The following LYPLAL1 variants were observed in gnomAD, a reference collection of about 807,000 sequenced individuals.
The protein encoded by LYPLAL1 is lysophospholipase-like protein 1.
A neutral mutation model predicts 19.7 loss-of-function variants in LYPLAL1; 23 were observed. The observed-to-expected ratio is 1.17, with a 90% CI of 0.84 to 1.65. LYPLAL1 has a LOEUF of 1.65. LYPLAL1 is among the 40% of genes most tolerant of loss of function. LYPLAL1 has a pLI of 0.00. For missense variants in LYPLAL1, 355 were observed against 279.4 expected (o/e 1.27, Z -1.93); for synonymous variants, 119 against 96.3 (o/e 1.24, Z -1.38).
chr1:219,188,718 C>G (rs943200754), intron 2 of LYPLAL1, among the ~76,000 whole-genome samples: 11 of 148,732 alleles, frequency 7.4e-5, no homozygotes, highest in African/African-American at 2.7e-4. Flanking sequence ...TTTATTCTAG[C>G]TTAATATTTT....
the LYPLAL1 span, among the ~76,000 whole-genome samples, chr1:219,398,416 C>G: frequency 3.9e-5 from 6 of 152,158 alleles, no homozygotes; most frequent in Non-Finnish European, 7.4e-5. Flanking sequence ...TGGTTACATT[C>G]TTTTCTATAC....
chr1:219,188,869 T>C (rs1656931224), intron 2 of LYPLAL1, among the ~76,000 whole-genome samples: 1 of 151,690 alleles, frequency 6.6e-6, no homozygotes, highest in African/African-American at 2.4e-5. Context: ...AGAAGGTGAA[T>C]GAGTATAACA....
At chr1:219,353,869 C>T in the LYPLAL1 span, among the ~76,000 whole-genome samples, 1 of 151,660 alleles carries the variant, frequency 6.6e-6, no homozygotes, top group South Asian at 2.1e-4. Flanking sequence ...TTGAAAATCA[C>T]TATTATAAAT....
the LYPLAL1 span, among the ~76,000 whole-genome samples, chr1:219,292,919 A>G: frequency 6.6e-5 from 10 of 152,062 alleles, no homozygotes; most frequent in Non-Finnish European, 1.3e-4. Flanking sequence ...AACAGCAATT[A>G]CCTCTGCTCC....
the LYPLAL1 span, among the ~76,000 whole-genome samples, chr1:219,359,282 G>A: frequency 6.6e-6 from 1 of 152,124 alleles, no homozygotes; most frequent in Admixed American, 6.5e-5. Context: ...ATACCTCCAG[G>A]ATCACTTCAG....
At position 219,179,252 on chromosome 1, in the gene LYPLAL1, C is replaced by T. The variant is rs777591691; in HGVS notation, c.191+6C>T. ...TATCCAACAGCTCCTCCCAGGTATG[C>T]AGTAATTTATCTCACTTGTCAATAT... On this transcript the variant is annotated splice_donor_region_variant and intron_variant, in intron 2 of 4. Transcript: ENST00000366928. 1 of 1,579,984 alleles carries T rather than the reference C, an allele frequency of 6.3e-7. No homozygotes were observed. Among genetic ancestry groups the T allele is most frequent in the Admixed American group, 1.7e-5 (1 of 58,914 alleles).
the LYPLAL1 span, among the ~76,000 whole-genome samples, chr1:219,311,477 A>G: frequency 1.1e-4 from 16 of 151,304 alleles, no homozygotes; most frequent in Admixed American, 2.0e-4. Context: ...ACCAACACCA[A>G]TCCCAATCTT....
chr1:219,306,019 C>T, the LYPLAL1 span, among the ~76,000 whole-genome samples: 1 of 152,184 alleles, frequency 6.6e-6, no homozygotes, highest in East Asian at 1.9e-4. Flanking sequence ...TTATCTTTGA[C>T]ACTCTGAAAG....
At chr1:219,336,433 G>T in the LYPLAL1 span, among the ~76,000 whole-genome samples, 1 of 151,758 alleles carries the variant, frequency 6.6e-6, no homozygotes, top group Non-Finnish European at 1.5e-5. Context: ...AATAGATAAT[G>T]AGTAAAAAAT....
At chr1:219,229,870 A>G in the LYPLAL1 span, among the ~76,000 whole-genome samples, 3 of 152,314 alleles carry the variant, frequency 2.0e-5, no homozygotes, top group Non-Finnish European at 4.4e-5. Flanking sequence ...AGGTCCTCTA[A>G]TCATACAAAC....
the LYPLAL1 span, among the ~76,000 whole-genome samples, chr1:219,371,356 A>C: frequency 6.6e-6 from 1 of 152,210 alleles, no homozygotes; most frequent in South Asian, 2.1e-4. Flanking sequence ...AATCATATCA[A>C]AGGAAGCATT....
the LYPLAL1 span, among the ~76,000 whole-genome samples, chr1:219,399,728 G>T: frequency 6.6e-6 from 1 of 152,250 alleles, no homozygotes; most frequent in South Asian, 2.1e-4. Context: ...ACAAGGTGGG[G>T]TCCCAGGAGA....
At chr1:219,397,032 A>G in the LYPLAL1 span, among the ~76,000 whole-genome samples, 1 of 152,106 alleles carries the variant, frequency 6.6e-6, no homozygotes, top group East Asian at 1.9e-4. Flanking sequence ...CCCATTTAGT[A>G]TGATGTTGGC....
chr1:219,267,093 G>C, the LYPLAL1 span, among the ~76,000 whole-genome samples: 1 of 151,962 alleles, frequency 6.6e-6, no homozygotes, highest in Non-Finnish European at 1.5e-5. Context: ...GCTTTTGTAT[G>C]GTAGATATAT....
At chr1:219,221,302 C>CTT in the LYPLAL1 span, among the ~76,000 whole-genome samples, 1 of 152,136 alleles carries the variant, frequency 6.6e-6, no homozygotes, top group African/African-American at 2.4e-5. Flanking sequence ...TGGGGAACCT[C>CTT]TATGAATCAG....
At chr1:219,275,469 A>G in the LYPLAL1 span, among the ~76,000 whole-genome samples, 2 of 146,144 alleles carry the variant, frequency 1.4e-5, no homozygotes, top group African/African-American at 5.0e-5. Context: ...CAGAAACAAT[A>G]GACTGTATTA....
At chr1:219,382,109 C>T in the LYPLAL1 span, among the ~76,000 whole-genome samples, 1 of 152,184 alleles carries the variant, frequency 6.6e-6, no homozygotes, top group East Asian at 1.9e-4. Context: ...AAAAGAGACA[C>T]AGTCAGGGAG....
downstream of LYPLAL1, among the ~76,000 whole-genome samples, chr1:219,213,380 A>G (rs1659173290): frequency 6.6e-6 from 1 of 150,486 alleles, no homozygotes; most frequent in Non-Finnish European, 1.5e-5. Flanking sequence ...TTTTTTTTTC[A>G]AGATTGCTTT....
the LYPLAL1 span, among the ~76,000 whole-genome samples, chr1:219,338,746 A>C: frequency 1.3e-5 from 2 of 151,972 alleles, no homozygotes; most frequent in African/African-American, 4.8e-5. Flanking sequence ...CCCTTGACTT[A>C]ATATAGAAAG....
Sources: gnomAD v4.1 joint callset for allele counts (sites outside exome capture counted in the v4.1 genomes callset) on GRCh38, gnomAD v4.1.1 for gene constraint, MANE v1.5 for transcripts, NCBI Gene and HGNC (gene_info 2026-07-23, HGNC 2026-07-21) for gene names.